Variants in CCDC30 observed in about 807,000 individuals in gnomAD.
The protein encoded by CCDC30 is coiled-coil domain containing 30.
In CCDC30, 70 loss-of-function variants were observed where a neutral mutation model predicts 100.2. The observed-to-expected ratio is 0.70, with a 90% CI of 0.58 to 0.85. The LOEUF (loss-of-function observed/expected upper bound fraction) is 0.85, where lower values mean the gene tolerates loss of function less well. Ranked by LOEUF, CCDC30 falls within the 40% of genes least tolerant of loss-of-function variation. CCDC30 has a pLI of 0.00. For synonymous variants in CCDC30, 233 were observed against 269.5 expected (o/e 0.86, Z 1.33); for missense variants, 652 against 771.2 (o/e 0.85, Z 1.83).
chr1:42,642,428 A>C (rs1647532368), intron 12 of CCDC30, 45 bp from the exon 17 acceptor site: 1 of 1,409,522 alleles, frequency 7.1e-7, no homozygotes, highest in Non-Finnish European at 9.3e-7. Flanking sequence ...TAAATTTATC[A>C]TACTTTCTCC....
chr1:42,584,565 C>T (rs1490535976), intron 9 of CCDC30, among the ~76,000 whole-genome samples: 8 of 151,840 alleles, frequency 5.3e-5, no homozygotes, highest in Admixed American at 1.3e-4. Flanking sequence ...TGCACTCCAA[C>T]GTGGGCAACA....
At chr1:42,490,299 CA>C in intron 4 of CCDC30, 70 bp downstream of exon 4, 1 of 698,208 alleles carries the variant, frequency 1.4e-6, no homozygotes, top group Non-Finnish European at 2.0e-6. Context: ...CCTGCAGTCC[CA>C]AAGACTTGGG....
intron 1 of CCDC30, among the ~76,000 whole-genome samples, chr1:42,469,633 A>G (rs1460237623): frequency 6.6e-6 from 1 of 152,180 alleles, no homozygotes; most frequent in Non-Finnish European, 1.5e-5. Context: ...GCAGTATGGG[A>G]TGGGGCCTAG....
At position 42,640,387 on chromosome 1, in the gene CCDC30, A is replaced by G. The variant is rs918477052; in HGVS notation, c.1420-2086A>G. ...AAGGTGTCAGTCACCTTCCTCATGC[A>G]GTACACTTTTTAATCCAGTTAGAGC... On this transcript the variant is annotated intron_variant, in intron 12 of 16. Coordinates refer to ENST00000668663, the Ensembl canonical transcript of CCDC30. Among the ~76,000 whole-genome samples the G allele has an allele frequency of 2.0e-5, 3 of 152,336 alleles. No homozygotes were observed. The East Asian group carries it at 5.8e-4, about 29-fold the overall frequency.
At chr1:42,475,351 G>GT (rs556022127) in intron 1 of CCDC30, among the ~76,000 whole-genome samples, 67 of 151,898 alleles carry the variant, frequency 4.4e-4, no homozygotes, top group Admixed American at 3.3e-3. Flanking sequence ...AAGAAAATGT[G>GT]TTTTTTTTAG....
At chr1:42,613,750 T>A (rs1646671726) in intron 11 of CCDC30, among the ~76,000 whole-genome samples, 1 of 152,210 alleles carries the variant, frequency 6.6e-6, no homozygotes, top group Non-Finnish European at 1.5e-5. Flanking sequence ...CAGAGGTCAC[T>A]TTCATTGCCA....
intron 4 of CCDC30, chr1:42,492,019 A>G: frequency 1.7e-6 from 1 of 582,904 alleles, no homozygotes; most frequent in Non-Finnish European, 3.1e-6. Context: ...GTTCAGGAAA[A>G]AAACTAACTT....
intron 1 of CCDC30, among the ~76,000 whole-genome samples, chr1:42,477,303 C>T (rs894710389): frequency 6.7e-6 from 1 of 150,364 alleles, no homozygotes; most frequent in African/African-American, 2.5e-5. Flanking sequence ...GATCTCGGCT[C>T]ACTGCAACCT....
intron 10 of CCDC30, among the ~76,000 whole-genome samples, chr1:42,607,691 G>C (rs558860790): frequency 1.3e-5 from 2 of 152,130 alleles, no homozygotes; most frequent in African/African-American, 4.8e-5. Flanking sequence ...TATTAGTAAG[G>C]AAAATCAGTG....
chr1:42,548,810 G>C (rs966709828), intron 6 of CCDC30, among the ~76,000 whole-genome samples: 1 of 152,124 alleles, frequency 6.6e-6, no homozygotes, highest in Non-Finnish European at 1.5e-5. Flanking sequence ...GTGACAGAAA[G>C]CCATGAGCCA....
rs182087726 is a variant in CCDC30, at chr1:42,477,088, T to A, written c.-91-3373T>A. Among the ~76,000 whole-genome samples the A allele has an allele frequency of 6.3e-3, 923 of 147,542 alleles. 6 individuals are homozygous for A. The highest frequency in any genetic ancestry group is 0.021 in the African/African-American group (861 of 40,280). Reference sequence around the variant, plus strand: ...GAGTTTTCTTTAATTCTGGCTTTTTTTTTTCCCCCCTCTACAAAGCTTCTG... The same window carrying A: ...GAGTTTTCTTTAATTCTGGCTTTTTATTTTCCCCCCTCTACAAAGCTTCTG... On this transcript the variant is annotated intron_variant, in intron 1 of 16. Coordinates refer to ENST00000668663, the Ensembl canonical transcript of CCDC30.
chr1:42,642,089 AG>A (rs1647479250), intron 12 of CCDC30, among the ~76,000 whole-genome samples: 2 of 151,530 alleles, frequency 1.3e-5, no homozygotes, highest in African/African-American at 4.9e-5. Flanking sequence ...AGCCGGGCGT[AG>A]TGGTGGGCAC....
At chr1:42,601,717 GA>G (rs1216048551) in intron 10 of CCDC30, among the ~76,000 whole-genome samples, 1 of 152,130 alleles carries the variant, frequency 6.6e-6, no homozygotes, top group Non-Finnish European at 1.5e-5. Flanking sequence ...AAGACAAAAA[GA>G]AGCCAGCCAG....
intron 8 of CCDC30, among the ~76,000 whole-genome samples, chr1:42,580,340 G>C (rs2148590693): frequency 6.6e-6 from 1 of 152,266 alleles, no homozygotes; most frequent in Non-Finnish European, 1.5e-5. Flanking sequence ...CTAGGTGCAG[G>C]GGCTTGGGAT....
intron 1 of CCDC30, among the ~76,000 whole-genome samples, 167 bp from the exon 2 acceptor site, chr1:42,480,290 AAATG>A (rs1359201093): frequency 6.6e-6 from 1 of 152,172 alleles, no homozygotes; most frequent in African/African-American, 2.4e-5. Flanking sequence ...TATTAATAAT[AAATG>A]CTATCTTTTT....
intron 7 of CCDC30, among the ~76,000 whole-genome samples, chr1:42,575,755 A>C (rs541369400): frequency 2.8e-4 from 42 of 152,282 alleles, no homozygotes; most frequent in Non-Finnish European, 5.7e-4. Context: ...CTTAATTATA[A>C]ATCATGGTAT....
intron 4 of CCDC30, chr1:42,492,062 T>C (rs1282235574): frequency 3.7e-5 from 15 of 407,188 alleles, no homozygotes; most frequent in Non-Finnish European, 4.2e-5. Flanking sequence ...ACGAAATGTG[T>C]TCCGTGGTCA....
chr1:42,500,106 C>T (rs1557807999), intron 6 of CCDC30: 1 of 1,133,844 alleles, frequency 8.8e-7, no homozygotes, highest in Non-Finnish European at 1.3e-6. Flanking sequence ...AAACTTGATC[C>T]AACCTCTTTG....
chr1:42,646,100 GAAAT>G, intron 14 of CCDC30, 31 bp from the exon 19 acceptor site: 1 of 1,535,360 alleles, frequency 6.5e-7, no homozygotes, highest in Non-Finnish European at 8.7e-7. Flanking sequence ...GATACCTATT[GAAAT>G]AAATAACTCC....
Sources: gnomAD v4.1 joint callset for allele counts (sites outside exome capture counted in the v4.1 genomes callset) on GRCh38, gnomAD v4.1.1 for gene constraint, MANE v1.5 for transcripts, NCBI Gene and HGNC (gene_info 2026-07-23, HGNC 2026-07-21) for gene names.